AP2A2: variants seen among roughly 807,000 people sequenced by gnomAD.
AP2A2 encodes the protein adaptor related protein complex 2 subunit alpha 2.
Under a neutral mutation model 104.2 loss-of-function variants are expected in AP2A2, and 32 were observed. The observed-to-expected ratio is 0.31, with a 90% confidence interval of 0.23 to 0.41. AP2A2 has a LOEUF of 0.41. Among genes scored for constraint, AP2A2 ranks in the 10% least tolerant of loss-of-function variants. AP2A2 has a pLI of 1.00. For missense variants in AP2A2, 912 were observed against 1,261.0 expected (o/e 0.72, Z 4.19); for synonymous variants, 539 against 533.3 (o/e 1.01, Z -0.15).
At chr11:997,233 T>G (rs1273465923) in intron 14 of AP2A2, among the ~76,000 whole-genome samples, 1 of 152,188 alleles carries the variant, frequency 6.6e-6, no homozygotes, top group Non-Finnish European at 1.5e-5. Context: ...AGCATCCTCT[T>G]TCTGCACACA....
intron 1 of AP2A2, among the ~76,000 whole-genome samples, chr11:947,691 G>C (rs1853896293): frequency 6.6e-6 from 1 of 152,112 alleles, no homozygotes; most frequent in Admixed American, 6.6e-5. Context: ...CAGATGTAGT[G>C]GCTCACGCCG....
rs753005156 is a variant in AP2A2 at position 1,011,259 on chromosome 11, G to A, written c.*634G>A. The A allele has an allele frequency of 1.9e-6, 1 of 519,094 alleles. No individual in the cohort carries two copies. The highest frequency in any genetic ancestry group is 3.8e-6 in the Non-Finnish European group (1 of 260,002). 32.2% of individuals were successfully genotyped at this position (519,094 alleles called of 1,614,324 possible). On this transcript the variant is annotated 3_prime_UTR_variant, in exon 22 of 22. Coordinates refer to ENST00000448903, the MANE Select transcript of AP2A2 (RefSeq NM_012305.4). ...CTTTCCCAGCTCCTGTTTGTGAAGGGCGTCTGTTATGCTCCTGCAGTCGCC... is the reference window on the plus strand; with the variant it reads ...CTTTCCCAGCTCCTGTTTGTGAAGGACGTCTGTTATGCTCCTGCAGTCGCC...
intron 1 of AP2A2, among the ~76,000 whole-genome samples, chr11:945,794 TAAGAA>T (rs1473291659): frequency 6.6e-6 from 1 of 152,004 alleles, no homozygotes; most frequent in Non-Finnish European, 1.5e-5. Flanking sequence ...CTACAAAAAA[TAAGAA>T]CAGAAAAGGA....
intron 1 of AP2A2, among the ~76,000 whole-genome samples, chr11:948,832 A>G (rs892460120): frequency 7.2e-6 from 1 of 138,600 alleles, no homozygotes; most frequent in African/African-American, 2.6e-5. Flanking sequence ...GCACCATTGC[A>G]TTCAAACCTG....
At chr11:930,453 A>G (rs1853253017) in intron 1 of AP2A2, among the ~76,000 whole-genome samples, 1 of 152,154 alleles carries the variant, frequency 6.6e-6, no homozygotes, top group Non-Finnish European at 1.5e-5. Context: ...TGTGAGAGTT[A>G]ATAAACTGTT....
At chr11:933,633 T>C (rs1025909361) in intron 1 of AP2A2, 2 of 456,056 alleles carry the variant, frequency 4.4e-6, no homozygotes, top group African/African-American at 2.0e-5. Flanking sequence ...AATAGCGCCC[T>C]GGAGACTTGA....
chr11:971,166 T>G (rs7103585), intron 3 of AP2A2, among the ~76,000 whole-genome samples: 1 of 151,924 alleles, frequency 6.6e-6, no homozygotes. Context: ...GCACAGGGAC[T>G]GGAACTTGGG....
chr11:942,553 TTC>T (rs1290415244), intron 1 of AP2A2, among the ~76,000 whole-genome samples: 12 of 152,292 alleles, frequency 7.9e-5, no homozygotes, highest in Middle Eastern at 3.4e-3. Context: ...AGTCAGTAGA[TTC>T]TGTTATTGGT....
At chr11:1,000,335 A>AG (rs1475426412) in intron 14 of AP2A2, 97 bp from the exon 15 acceptor site, 3 of 1,263,392 alleles carry the variant, frequency 2.4e-6, no homozygotes, top group Non-Finnish European at 3.3e-6. Context: ...ATGGATGCCA[A>AG]GGGGGTGCCA....
At chr11:998,575 G>A (rs1855931263) in intron 14 of AP2A2, among the ~76,000 whole-genome samples, 1 of 152,016 alleles carries the variant, frequency 6.6e-6, no homozygotes, top group Non-Finnish European at 1.5e-5. Flanking sequence ...AGTTACTCAA[G>A]ACGAATCTTC....
Position 994,126 on chromosome 11 carries a change from G to A in AP2A2, c.1837G>A (p.Ala613Thr). 12 of 1,613,084 alleles carry A rather than the reference G, an allele frequency of 7.4e-6. No individual in the cohort carries two copies. The highest frequency in any genetic ancestry group is 1.0e-5 in the Non-Finnish European group (12 of 1,179,850). ...PFPERESSIL[A>T]KLKKKKGPST... Reference sequence around the variant, plus strand: ...CCCGGAGCGGGAGTCCTCCATCTTGGCAAAGCTCAAGAAGAAGAAGGGCCC... The same window carrying A: ...CCCGGAGCGGGAGTCCTCCATCTTGACAAAGCTCAAGAAGAAGAAGGGCCC... Residue 613 changes from alanine to threonine, a missense_variant, in exon 14 of 22, where the codon GCA (alanine) becomes ACA (threonine). By Grantham distance (58) the Ala-to-Thr change is moderately conservative. This residue lies in a region of AP2A2 where 137 missense variants were observed against 186.9 expected (regional missense o/e 0.73). Coordinates refer to ENST00000448903, the MANE Select transcript of AP2A2 (RefSeq NM_012305.4).
intron 1 of AP2A2, among the ~76,000 whole-genome samples, chr11:952,775 C>G (rs1393803000): frequency 6.6e-6 from 1 of 152,186 alleles, no homozygotes; most frequent in Non-Finnish European, 1.5e-5. Context: ...ATGCTTTACC[C>G]TTTCAGAATT....
At chr11:961,346 G>A (rs1170107315) in intron 2 of AP2A2, among the ~76,000 whole-genome samples, 3 of 131,928 alleles carry the variant, frequency 2.3e-5, no homozygotes, top group Non-Finnish European at 4.8e-5. Context: ...TGACAGAGTC[G>A]CCACCACCAG....
At chr11:933,241 C>G (rs1266950866) in intron 1 of AP2A2, among the ~76,000 whole-genome samples, 1 of 152,090 alleles carries the variant, frequency 6.6e-6, no homozygotes, top group Non-Finnish European at 1.5e-5. Context: ...GCACTATAGC[C>G]AGGGCGACAA....
At chr11:995,213 A>G (rs2133750986) in intron 14 of AP2A2, among the ~76,000 whole-genome samples, 1 of 152,268 alleles carries the variant, frequency 6.6e-6, no homozygotes, top group African/African-American at 2.4e-5. Context: ...GTTGATTTAG[A>G]GAGGACCTGT....
intron 5 of AP2A2, among the ~76,000 whole-genome samples, chr11:980,093 T>C (rs868321809): frequency 0.02 from 1,587 of 78,120 alleles, 66 homozygotes; most frequent in African/African-American, 0.085. Flanking sequence ...CCTGGAGCGG[T>C]GACAGGCTGC....
At position 993,693 on chromosome 11, in the gene AP2A2, G is replaced by T; in HGVS notation, c.1551-61G>T. On this transcript the variant is annotated intron_variant, in intron 12 of 21. Transcript: ENST00000448903. This position sits in a 1 kb window ranked among gnomAD's most constrained non-coding sequence, Gnocchi z 8.2. ...TCTCGCCGCCGTCCCCCCCCCGCGG[G>T]GGCGTGCTGCAGCCTGCGAGGGGAC... 1 of 1,341,276 alleles carries T rather than the reference G, an allele frequency of 7.5e-7. No individual in the cohort carries two copies. The allele number at this position is 1,341,276 out of a possible 1,614,324, so 83.1% of individuals were successfully genotyped here.
chr11:1,010,758 A>G lies in AP2A2; in HGVS notation c.*133A>G. On this transcript the variant is annotated 3_prime_UTR_variant, in exon 22 of 22. Coordinates refer to ENST00000448903, the MANE Select transcript of AP2A2 (RefSeq NM_012305.4). Reference sequence around the variant, plus strand: ...AGGCGCCTCCCCGCCCCGCCGCCCCACACCTCTCCCCTTTGGGCTGGACGG... The same window carrying G: ...AGGCGCCTCCCCGCCCCGCCGCCCCGCACCTCTCCCCTTTGGGCTGGACGG... The G allele has an allele frequency of 1.3e-6, 1 of 754,204 alleles. No individual in the cohort carries two copies. Among genetic ancestry groups the G allele is most frequent in the Non-Finnish European group, 2.3e-6 (1 of 430,646 alleles). 46.7% of individuals were successfully genotyped at this position (754,204 alleles called of 1,614,324 possible). A position where few individuals can be genotyped will look rare whatever the true frequency, so the allele number is the denominator to read the frequency against.
chr11:988,951 T>C (rs924464226), intron 10 of AP2A2: 2 of 510,940 alleles, frequency 3.9e-6, no homozygotes, highest in Admixed American at 3.2e-5. Context: ...GTCGAGATCA[T>C]GTCACTGCAC....
Sources: allele counts gnomAD v4.1 joint callset (sites outside exome capture counted in the v4.1 genomes callset), GRCh38; gene constraint gnomAD v4.1.1; regional missense constraint gnomAD v4.1.1; non-coding constraint Gnocchi (gnomAD v3.1); transcripts MANE v1.5; gene names NCBI Gene and HGNC (gene_info 2026-07-23, HGNC 2026-07-21).